Variants in FRS3 observed in about 807,000 individuals in gnomAD.
FRS3 encodes the protein fibroblast growth factor receptor substrate 3.
A neutral mutation model predicts 41.9 loss-of-function variants in FRS3; 17 were observed. The observed-to-expected ratio is 0.41, with a 90% CI of 0.28 to 0.61. The LOEUF is 0.61. Among genes scored for constraint, FRS3 ranks in the 20% least tolerant of loss-of-function variants. The pLI is 0.36. For synonymous variants in FRS3, 287 were observed against 274.5 expected, an observed-to-expected ratio of 1.05 and a Z score of -0.45; for missense variants, 619 against 672.1, an observed-to-expected ratio of 0.92 and a Z score of 0.87.
Position 41,772,076 on chromosome 6 carries a change from A to C in FRS3, c.416-112T>G. 7.0e-6 allele frequency: 6 copies of C among 858,346 alleles called. No individual in the cohort carries two copies. In the South Asian group the frequency reaches 1.1e-4, roughly 16 times the overall value. 53.2% of individuals were successfully genotyped at this position (858,346 alleles called of 1,614,324 possible). A position where few individuals can be genotyped will look rare whatever the true frequency, so the allele number is the denominator to read the frequency against. On this transcript the variant is annotated intron_variant, in intron 5 of 6. Coordinates refer to ENST00000373018, the MANE Select transcript of FRS3 (RefSeq NM_006653.5). ...CCTCTAATGGAGGACAGATGTTCTCAGGGCGTCACAGTGGTTAAACCCCAC... is the reference window on the plus strand; with the variant it reads ...CCTCTAATGGAGGACAGATGTTCTCCGGGCGTCACAGTGGTTAAACCCCAC...
chr6:41,772,806 G>A lies in FRS3; in HGVS notation c.407C>T (p.Pro136Leu). ...AELDLPRAPQ[P>L]PNALGYTVSS... ...CACTGGGGTCTCCTCACCATTGGGT[G>A]GCTGGGGGGCTCGAGGGAGGTCAAG... Residue 136 changes from proline to leucine, a missense_variant, in exon 5 of 7, where the codon CCA becomes CTA. By Grantham distance (98) the Pro-to-Leu change is moderately conservative. Around this residue, in one of 3 missense-constraint regions of FRS3, gnomAD observed 487 missense variants for 478.3 expected, o/e 1.02. Transcript: ENST00000373018. 1 of 1,607,066 alleles carries A rather than the reference G, an allele frequency of 6.2e-7. No homozygotes were observed. Among genetic ancestry groups the A allele is most frequent in the South Asian group, 1.1e-5 (1 of 90,924 alleles).
chr6:41,770,664 G>A lies in FRS3; in HGVS notation c.1434C>T (p.Gly478=). 1.2e-6 allele frequency: 2 copies of A among 1,614,200 alleles called. No homozygotes were observed. Among genetic ancestry groups the A allele is most frequent in the East Asian group, 2.2e-5 (1 of 44,888 alleles). Residue 478 remains glycine, a synonymous_variant, in exon 7 of 7, where the codon GGC becomes GGT. Transcript: ENST00000373018. The part of the protein sequence containing the change: ...NLQRALPRDD[G]TARKTRHNST... ...TGTTGTGCCGGGTTTTCCTGGCGGT[G>A]CCATCGTCTCGGGGCAGAGCTCTCT...
At chr6:41,778,668 C>T (rs1182600331) in intron 1 of FRS3, among the ~76,000 whole-genome samples, 2 of 152,086 alleles carry the variant, frequency 1.3e-5, no homozygotes, top group South Asian at 4.1e-4. Context: ...TTGGGGGAAC[C>T]ATCTATAAAC....
At position 41,770,491 on chromosome 6, in the gene FRS3, AT is replaced by A. The variant is rs75934525; in HGVS notation, c.*127del. 220 of 818,936 alleles carry A rather than the reference AT, an allele frequency of 2.7e-4. 2 individuals carry two copies. The East Asian group carries it at 5.5e-3, about 21-fold the overall frequency. The allele number at this position is 818,936 out of a possible 1,614,324, so 50.7% of individuals were successfully genotyped here. Reference sequence around the variant, plus strand: ...GGGACTCCAGCCAGCACAGGGAAGCATCTGGTCCCACCTCCATGCCTTCTGC... The same window carrying A: ...GGGACTCCAGCCAGCACAGGGAAGCACTGGTCCCACCTCCATGCCTTCTGC... On this transcript the variant is annotated 3_prime_UTR_variant, in exon 7 of 7. Coordinates refer to ENST00000373018, the MANE Select transcript of FRS3 (RefSeq NM_006653.5).
At chr6:41,777,099 G>T (rs1772428499) in intron 2 of FRS3, 89 bp from the exon 3 acceptor site, 1 of 843,994 alleles carries the variant, frequency 1.2e-6, no homozygotes, top group Non-Finnish European at 2.0e-6. Flanking sequence ...ACGTCATTGT[G>T]ATCACCTACT....
At position 41,771,398 on chromosome 6, in the gene FRS3, A is replaced by G. The variant is rs138673129; in HGVS notation, c.700T>C (p.Phe234Leu). 8 of 1,613,466 alleles carry G rather than the reference A, an allele frequency of 5.0e-6. No individual in the cohort carries two copies. The African/African-American group carries it at 9.4e-5, about 19-fold the overall frequency. ...RGPDQRDPQV[F>L]LQPGQVKFVL... ...AACTTCACCTGGCCTGGCTGCAAGA[A>G]CACCTGTGGGTCCCGTTGGTCAGGT... Residue 234 changes from phenylalanine to leucine, a missense_variant, in exon 7 of 7, where the codon TTC becomes CTC. Phe to Leu is a conservative substitution (Grantham distance 22). Around this residue, in one of 3 missense-constraint regions of FRS3, gnomAD observed 487 missense variants for 478.3 expected, o/e 1.02. Transcript: ENST00000373018.
In FRS3 at chr6:41,771,035, G is replaced by A; in HGVS notation, c.1063C>T (p.Pro355Ser). 6.2e-7 allele frequency: 1 copy of A among 1,612,224 alleles called. No individual in the cohort carries two copies. Among genetic ancestry groups the A allele is most frequent in the Non-Finnish European group, 8.5e-7 (1 of 1,178,976 alleles). ...DDGDSRDGLT[P>S]SSNGFPDGEE... Reference sequence around the variant, plus strand: ...CCATCAGGGAAGCCATTGGAAGAGGGTGTGAGCCCATCCCTCGAGTCCCCA... The same window carrying A: ...CCATCAGGGAAGCCATTGGAAGAGGATGTGAGCCCATCCCTCGAGTCCCCA... The change falls in exon 7 of 7, where the codon CCC becomes TCC. Residue 355 changes from proline to serine, a missense_variant. Around this residue, in one of 3 missense-constraint regions of FRS3, gnomAD observed 487 missense variants for 478.3 expected, o/e 1.02. Coordinates refer to ENST00000373018, the MANE Select transcript of FRS3 (RefSeq NM_006653.5).
At chr6:41,777,987 C>A (rs1772445143) in intron 2 of FRS3, 46 bp downstream of exon 2, 1 of 152,652 alleles carries the variant, frequency 6.6e-6, no homozygotes, top group African/African-American at 2.4e-5. Context: ...CTGTTCCTCC[C>A]AACTTGGGAA....
intron 2 of FRS3, chr6:41,777,365 C>A: frequency 5.4e-6 from 1 of 184,262 alleles, no homozygotes; most frequent in Non-Finnish European, 1.1e-5. Context: ...GAGAAGTGAT[C>A]TGCAGCAGAT....
At chr6:41,778,625 GCC>G (rs534225169) in intron 1 of FRS3, among the ~76,000 whole-genome samples, 1 of 151,404 alleles carries the variant, frequency 6.6e-6, no homozygotes, top group Admixed American at 6.6e-5. Context: ...TTAAGTCAAC[GCC>G]CCCCCCAACT....
intron 3 of FRS3, 32 bp from the exon 4 acceptor site, chr6:41,775,637 T>G: frequency 6.4e-7 from 1 of 1,556,106 alleles, no homozygotes. Context: ...GGTCAATGAG[T>G]GAGTCCAACA....
At position 41,770,679 on chromosome 6, in the gene FRS3, C is replaced by G. The variant is rs761065569; in HGVS notation, c.1419G>C (p.Leu473=). The G allele has an allele frequency of 1.9e-6, 3 of 1,613,838 alleles. No homozygotes were observed. The African/African-American group carries it at 4.0e-5, about 22-fold the overall frequency. The stretch of plus-strand genomic sequence containing the variant: ...TCCTGGCGGTGCCATCGTCTCGGGG[C>G]AGAGCTCTCTGCAGGTTGGACATGG... ...TVAMSNLQRA[L]PRDDGTARKT... is the part of the protein sequence containing the mutation. The change falls in exon 7 of 7, where the codon CTG becomes CTC. Residue 473 remains leucine, a synonymous_variant. Coordinates refer to ENST00000373018, the MANE Select transcript of FRS3 (RefSeq NM_006653.5).
intron 2 of FRS3, 111 bp from the exon 3 acceptor site, chr6:41,777,121 A>G: frequency 1.4e-6 from 1 of 710,914 alleles, no homozygotes; most frequent in East Asian, 2.7e-5. Context: ...TGTCCAAGAG[A>G]CTGTGTGATA....
intron 5 of FRS3, among the ~76,000 whole-genome samples, chr6:41,772,431 G>A (rs1434809886): frequency 1.3e-5 from 2 of 152,138 alleles, no homozygotes; most frequent in Non-Finnish European, 1.5e-5. Context: ...TCCAGAATAC[G>A]GTCATGGCCA....
rs1554140770 is a variant in FRS3 at position 41,772,779 on chromosome 6, T to TGC, written c.415+18_415+19insGC. 2 of 1,581,868 alleles carry TGC rather than the reference T, an allele frequency of 1.3e-6. No individual in the cohort carries two copies. Among genetic ancestry groups the TGC allele is most frequent in the South Asian group, 1.1e-5 (1 of 89,238 alleles). ...GTGTGTGTGTGTGTGTGTGTGTGTG[T>TGC]ACACTGGGGTCTCCTCACCATTGGG... On this transcript the variant is annotated intron_variant, in intron 5 of 6. Transcript: ENST00000373018.
At chr6:41,776,254 T>A (rs79209577) in intron 3 of FRS3, among the ~76,000 whole-genome samples, 36,848 of 152,220 alleles carry the variant, frequency 0.24, 5,417 homozygotes, top group Middle Eastern at 0.37. Context: ...TAAGCACTAT[T>A]TAATTTATTT....
rs1411759137 is a variant in FRS3, at chr6:41,770,667, A to G, written c.1431T>C (p.Asp477=). The G allele has an allele frequency of 6.2e-6, 10 of 1,613,816 alleles. No homozygotes were observed. The highest frequency in any genetic ancestry group is 2.2e-5 in the South Asian group (2 of 91,060). The change falls in exon 7 of 7, where the codon GAT becomes GAC. Residue 477 remains aspartate (D), a synonymous_variant. Coordinates refer to ENST00000373018, the MANE Select transcript of FRS3 (RefSeq NM_006653.5). ...SNLQRALPRD[D]GTARKTRHNS... is the part of the protein sequence containing the mutation. ...TGTGCCGGGTTTTCCTGGCGGTGCC[A>G]TCGTCTCGGGGCAGAGCTCTCTGCA...
chr6:41,771,572 G>C (rs780659074), intron 6 of FRS3, 39 bp from the exon 7 acceptor site: 1 of 1,459,632 alleles, frequency 6.9e-7, no homozygotes, highest in African/African-American at 1.4e-5. Flanking sequence ...GTGTCCCAGG[G>C]CAGGGAGAAA....
At chr6:41,776,205 C>G (rs899562438) in intron 3 of FRS3, among the ~76,000 whole-genome samples, 1 of 152,216 alleles carries the variant, frequency 6.6e-6, no homozygotes, top group Non-Finnish European at 1.5e-5. Context: ...CAGCTTCCCA[C>G]AGCAAACAGC....
Sources: gnomAD v4.1 joint callset for allele counts (sites outside exome capture counted in the v4.1 genomes callset) on GRCh38, gnomAD v4.1.1 for gene constraint, gnomAD v4.1.1 regional missense constraint, MANE v1.5 for transcripts, NCBI Gene and HGNC (gene_info 2026-07-23, HGNC 2026-07-21) for gene names.